Variants in CHN2 observed in about 807,000 individuals in gnomAD.
CHN2 encodes the protein chimerin 2, also known as beta-chimaerin.
In CHN2, 35 loss-of-function variants were observed where a neutral mutation model predicts 56.3. That is an observed-to-expected ratio of 0.62 (90% CI 0.47 to 0.82). CHN2 has a LOEUF of 0.82. CHN2 is among the 40% of genes least tolerant of loss of function. CHN2 has a pLI of 0.00. For missense variants in CHN2, 491 were observed against 580.5 expected, an observed-to-expected ratio of 0.85 and a Z score of 1.58; for synonymous variants, 210 against 212.8, an observed-to-expected ratio of 0.99 and a Z score of 0.12.
rs935478247 is a variant in CHN2 at position 29,336,190 on chromosome 7, T to G, written c.50-18435T>G. On this transcript the variant is annotated intron_variant, in intron 1 of 12. Coordinates refer to ENST00000222792, the MANE Select transcript of CHN2 (RefSeq NM_004067.4). ...ATTGCCCTCTGACAGATTGCAAGCC[T>G]GAAATCTGTCAGCTTTGAAAGATTG... 5.9e-5 allele frequency: 9 copies of G among 152,318 alleles called. 1 individual carries two copies. In the South Asian group the frequency reaches 1.2e-3, roughly 21 times the overall value. The allele number at this position is 152,318 out of a possible 1,614,324, so 9.4% of individuals were successfully genotyped here. A position where few individuals can be genotyped will look rare whatever the true frequency, so the allele number is the denominator to read the frequency against.
intron 3 of CHN2, among the ~76,000 whole-genome samples, chr7:29,369,381 A>G (rs1358280312): frequency 6.6e-6 from 1 of 152,252 alleles, no homozygotes; most frequent in Non-Finnish European, 1.5e-5. Flanking sequence ...AAATGCAAAC[A>G]GATAGTAAAT....
At chr7:29,344,513 C>T (rs1038368457) in intron 1 of CHN2, among the ~76,000 whole-genome samples, 5 of 152,174 alleles carry the variant, frequency 3.3e-5, no homozygotes, top group African/African-American at 1.2e-4. Context: ...TGAGACACTT[C>T]TGGCTCTCAG....
At chr7:29,203,471 A>G (rs1041300299) in intron 1 of CHN2, among the ~76,000 whole-genome samples, 2 of 145,046 alleles carry the variant, frequency 1.4e-5, no homozygotes, top group African/African-American at 5.0e-5. Flanking sequence ...CCGTCTCAAA[A>G]AAAAAAAAAA....
chr7:29,406,873 C>G (rs1418646302), intron 6 of CHN2, among the ~76,000 whole-genome samples: 1 of 152,214 alleles, frequency 6.6e-6, no homozygotes, highest in African/African-American at 2.4e-5. Flanking sequence ...TACTCCTCAG[C>G]CTACTTCCTA....
At chr7:29,371,879 T>C (rs1799643060) in intron 3 of CHN2, among the ~76,000 whole-genome samples, 1 of 152,138 alleles carries the variant, frequency 6.6e-6, no homozygotes, top group African/African-American at 2.4e-5. Context: ...ATGAATGTTG[T>C]GTGGTTTGGG....
chr7:29,479,295 A>G (rs906899350), intron 6 of CHN2, among the ~76,000 whole-genome samples: 1 of 152,180 alleles, frequency 6.6e-6, no homozygotes, highest in Non-Finnish European at 1.5e-5. Context: ...AAAAGCAATT[A>G]TGATGTTTTG....
intron 1 of CHN2, among the ~76,000 whole-genome samples, chr7:29,243,298 C>T (rs1421907339): frequency 2.6e-5 from 4 of 152,104 alleles, no homozygotes; most frequent in African/African-American, 9.7e-5. Context: ...CTATTCCTGG[C>T]ATTTTCCACC....
At chr7:29,274,883 G>A (rs1305319801) in intron 1 of CHN2, among the ~76,000 whole-genome samples, 1 of 152,208 alleles carries the variant, frequency 6.6e-6, no homozygotes, top group East Asian at 1.9e-4. Context: ...TTACAATCAT[G>A]GAGTGTTACA....
chr7:29,308,462 GGTGTGTGT>G (rs10609046), intron 1 of CHN2, among the ~76,000 whole-genome samples: 1 of 151,188 alleles, frequency 6.6e-6, no homozygotes, highest in Non-Finnish European at 1.5e-5. Context: ...AGGTGGTTGG[GGTGTGTGT>G]GTGTGTGTGT....
At chr7:29,483,860 C>T (rs1157434038) in intron 7 of CHN2, 1 of 1,300,004 alleles carries the variant, frequency 7.7e-7, no homozygotes, top group African/African-American at 1.5e-5. Flanking sequence ...CCTGGCCACA[C>T]CATGTTCTTC....
intron 8 of CHN2, among the ~76,000 whole-genome samples, chr7:29,497,929 G>T (rs1414911183): frequency 2.6e-5 from 4 of 152,124 alleles, no homozygotes; most frequent in African/African-American, 9.7e-5. Context: ...TGTTTAATGG[G>T]TATAGTTTCA....
intron 6 of CHN2, among the ~76,000 whole-genome samples, chr7:29,431,481 G>A (rs1585370657): frequency 6.6e-6 from 1 of 152,262 alleles, no homozygotes; most frequent in East Asian, 1.9e-4. Context: ...AGTGGGGAGA[G>A]TTCTTCCTTG....
At chr7:29,248,256 T>A (rs768550959) in intron 1 of CHN2, among the ~76,000 whole-genome samples, 26 of 152,220 alleles carry the variant, frequency 1.7e-4, no homozygotes, top group Non-Finnish European at 3.2e-4. Flanking sequence ...AAGTGACATG[T>A]GCTATCGGAC....
At chr7:29,497,550 AC>A (rs1191322559) in intron 8 of CHN2, among the ~76,000 whole-genome samples, 2 of 151,700 alleles carry the variant, frequency 1.3e-5, no homozygotes, top group African/African-American at 4.8e-5. Context: ...TCCAATGGCT[AC>A]TTTTTGGCCT....
intron 7 of CHN2, among the ~76,000 whole-genome samples, chr7:29,487,566 A>G (rs766880170): frequency 1.1e-4 from 16 of 152,144 alleles, no homozygotes; most frequent in Non-Finnish European, 2.4e-4. Flanking sequence ...TAAAGCCTCC[A>G]GGGAATACTC....
At chr7:29,472,034 G>A (rs548028445) in intron 6 of CHN2, among the ~76,000 whole-genome samples, 2 of 152,246 alleles carry the variant, frequency 1.3e-5, no homozygotes, top group African/African-American at 4.8e-5. Context: ...TTGGCAGTAT[G>A]CAAGAGGGTT....
chr7:29,462,977 C>G (rs1785279458), intron 6 of CHN2, among the ~76,000 whole-genome samples: 1 of 138,440 alleles, frequency 7.2e-6, no homozygotes, highest in South Asian at 2.3e-4. Flanking sequence ...AAGGAAGAGA[C>G]CTACCTCCCC....
chr7:29,400,407 A>G (rs1386482453), intron 5 of CHN2, 136 bp from the exon 6 acceptor site: 16 of 823,184 alleles, frequency 1.9e-5, no homozygotes, highest in Non-Finnish European at 2.9e-5. Context: ...GCGTTAGGGG[A>G]AAAAAAATCA....
At chr7:29,149,171 A>C (rs1022185328) in intron 2 of CHN2, among the ~76,000 whole-genome samples, 1 of 142,168 alleles carries the variant, frequency 7.0e-6, no homozygotes, top group East Asian at 2.2e-4. Context: ...AAATTAGTAG[A>C]TTGGGAAGTC....
Sources: allele counts gnomAD v4.1 joint callset (sites outside exome capture counted in the v4.1 genomes callset), GRCh38; gene constraint gnomAD v4.1.1; transcripts MANE v1.5; gene names NCBI Gene and HGNC (gene_info 2026-07-23, HGNC 2026-07-21).